PDE7B: variants seen among roughly 807,000 people sequenced by gnomAD.
PDE7B encodes phosphodiesterase 7B, also known as 3',5'-cyclic-AMP phosphodiesterase 7B.
PDE7B carries 29 observed loss-of-function variants against 56.2 expected under a neutral mutation model. The ratio of observed to expected loss-of-function variants is 0.52; its 90% CI spans 0.38 to 0.70. The LOEUF (loss-of-function observed/expected upper bound fraction) is 0.70, where lower values mean the gene tolerates loss of function less well. Among genes scored for constraint, PDE7B ranks in the 30% least tolerant of loss-of-function variants. The pLI, the probability that PDE7B is intolerant of heterozygous loss-of-function variation, is 0.00. For synonymous variants in PDE7B, 197 were observed against 196.9 expected, an observed-to-expected ratio of 1.00 and a Z score of 0.00; for missense variants, 490 against 565.0, an observed-to-expected ratio of 0.87 and a Z score of 1.35.
chr6:135,974,678 T>C (rs998862212), intron 2 of PDE7B, among the ~76,000 whole-genome samples: 31 of 152,234 alleles, frequency 2.0e-4, no homozygotes, highest in African/African-American at 7.2e-4. Context: ...CCCCAGAAGG[T>C]ATATTCTCAT....
intron 3 of PDE7B, among the ~76,000 whole-genome samples, chr6:136,125,939 G>A (rs1313465199): frequency 2.0e-5 from 3 of 151,910 alleles, no homozygotes; most frequent in South Asian, 2.1e-4. Context: ...TTACCCTCTT[G>A]AAAGGAAATC....
intron 2 of PDE7B, among the ~76,000 whole-genome samples, chr6:136,002,830 T>G (rs1294775050): frequency 6.6e-6 from 1 of 152,008 alleles, no homozygotes; most frequent in Non-Finnish European, 1.5e-5. Context: ...GGAATTGAAC[T>G]CAGCTCTGCA....
chr6:136,161,063 T>G (rs1202101413), intron 8 of PDE7B, among the ~76,000 whole-genome samples: 1 of 152,198 alleles, frequency 6.6e-6, no homozygotes, highest in Non-Finnish European at 1.5e-5. Context: ...TCTGCCTATT[T>G]GAATAAAATG....
At chr6:136,124,402 A>G (rs1562498843) in intron 3 of PDE7B, among the ~76,000 whole-genome samples, 2 of 152,220 alleles carry the variant, frequency 1.3e-5, no homozygotes, top group African/African-American at 2.4e-5. Flanking sequence ...ACTGAGAAAT[A>G]TAAGCAAAGC....
rs376182399 is a variant in PDE7B at position 136,149,104 on chromosome 6, G to A, written c.336G>A (p.Val112=). The change falls in exon 5 of 13, where the codon GTG becomes GTA. Residue 112 remains valine (V), a synonymous_variant. Coordinates refer to ENST00000308191, the MANE Select transcript of PDE7B (RefSeq NM_018945.4). ...LGQARHMLSK[V]GMWDFDIFLF... is the part of the protein sequence containing the mutation. ...CTTTTCAGCATATGCTCTCCAAAGT[G>A]GGAATGTGGGATTTTGACATTTTCT... 4.0e-5 allele frequency: 64 copies of A among 1,612,570 alleles called. No individual in the cohort carries two copies. The highest frequency in any genetic ancestry group is 4.9e-5 in the Non-Finnish European group (58 of 1,178,758).
chr6:136,181,239 T>C lies in PDE7B; in HGVS notation c.961T>C (p.Cys321Arg). ...TGTCATTTCTCAGATCGCCTTGAAGTGTGCTGACATTTGCAATCCTTGTAG... is the reference window on the plus strand; with the variant it reads ...TGTCATTTCTCAGATCGCCTTGAAGCGTGCTGACATTTGCAATCCTTGTAG... ...RHFMLQIALK[C>R]ADICNPCRIW... Residue 321 changes from cysteine (C) to arginine (R), a missense_variant, in exon 11 of 13, where the codon TGT becomes CGT. Physicochemically the swap from Cys to Arg is radical, Grantham distance 180. Coordinates refer to ENST00000308191, the MANE Select transcript of PDE7B (RefSeq NM_018945.4). The C allele has an allele frequency of 1.2e-6, 2 of 1,613,218 alleles. No homozygotes were observed. Among genetic ancestry groups the C allele is most frequent in the Non-Finnish European group, 1.7e-6 (2 of 1,179,178 alleles).
At chr6:135,998,431 T>C (rs1388489790) in intron 2 of PDE7B, among the ~76,000 whole-genome samples, 1 of 152,214 alleles carries the variant, frequency 6.6e-6, no homozygotes, top group East Asian at 1.9e-4. Flanking sequence ...CTTGAATTAT[T>C]TTTCAACCTT....
intron 3 of PDE7B, among the ~76,000 whole-genome samples, chr6:136,110,712 AT>A (rs10708902): frequency 0.051 from 6,475 of 126,792 alleles, 280 homozygotes; most frequent in African/African-American, 0.12. Flanking sequence ...ATTCTGCAAC[AT>A]TTTTTTTTTT....
At position 136,106,273 on chromosome 6, in the gene PDE7B, A is replaced by G. The variant is rs115689412; in HGVS notation, c.83-2458A>G. On this transcript the variant is annotated intron_variant, in intron 2 of 12. Transcript: ENST00000308191. The stretch of plus-strand genomic sequence containing the variant: ...AAATTTATTTAAAGTCAGTGAGTCT[A>G]TCATTTTAACATGCTGTATTTTCTC... Among the ~76,000 whole-genome samples, 620 of 152,274 alleles carry G rather than the reference A, an allele frequency of 4.1e-3. 3 individuals are homozygous for G. The highest frequency in any genetic ancestry group is 0.014 in the African/African-American group (592 of 41,570).
intron 8 of PDE7B, among the ~76,000 whole-genome samples, chr6:136,160,423 G>A (rs191282814): frequency 1.8e-3 from 281 of 152,196 alleles, no homozygotes; most frequent in Non-Finnish European, 3.1e-3. Context: ...GAGTCTGTAG[G>A]AGTAGAGCTG....
In PDE7B at chr6:135,952,126, G is replaced by T. The variant is rs916064970; in HGVS notation, c.82+4602G>T. On this transcript the variant is annotated intron_variant, in intron 2 of 12. Transcript: ENST00000308191. ...TAGCCCAGGGGTTTTTCTGGTGAGA[G>T]AATGAGATGTTCTATGAGGAGAAGC... is the stretch of plus-strand genomic sequence containing the variant. Among the ~76,000 whole-genome samples the T allele has an allele frequency of 3.9e-5, 6 of 152,214 alleles. No homozygotes were observed. The East Asian group carries it at 9.7e-4, about 25-fold the overall frequency.
chr6:136,050,252 G>T (rs1367979425), intron 2 of PDE7B, among the ~76,000 whole-genome samples: 1 of 152,146 alleles, frequency 6.6e-6, no homozygotes, highest in African/African-American at 2.4e-5. Flanking sequence ...GCAAGAGTTA[G>T]ATGTTTACAT....
chr6:136,017,194 T>C (rs921876132), intron 2 of PDE7B, among the ~76,000 whole-genome samples: 4 of 152,188 alleles, frequency 2.6e-5, no homozygotes, highest in Admixed American at 1.3e-4. Context: ...AACTAGAAAT[T>C]TCATCCAAAT....
At chr6:135,880,629 C>G (rs1455855152) in intron 1 of PDE7B, among the ~76,000 whole-genome samples, 7 of 152,126 alleles carry the variant, frequency 4.6e-5, no homozygotes, top group Non-Finnish European at 8.8e-5. Flanking sequence ...GTCTTCATTC[C>G]CCTGTCCTGG....
At chr6:135,855,960 T>C (rs1444581387) in intron 1 of PDE7B, among the ~76,000 whole-genome samples, 1 of 152,220 alleles carries the variant, frequency 6.6e-6, no homozygotes, top group Non-Finnish European at 1.5e-5. Flanking sequence ...TTTCTTCATC[T>C]TTAAGGCTGT....
intron 2 of PDE7B, among the ~76,000 whole-genome samples, chr6:136,064,064 T>A (rs565067073): frequency 1.6e-4 from 24 of 152,354 alleles, no homozygotes; most frequent in Non-Finnish European, 2.8e-4. Context: ...CATCTGGCTT[T>A]GGATTTTATT....
intron 8 of PDE7B, among the ~76,000 whole-genome samples, chr6:136,173,265 A>G (rs1778922827): frequency 6.6e-6 from 1 of 152,216 alleles, no homozygotes; most frequent in African/African-American, 2.4e-5. Flanking sequence ...CTACAAGGCT[A>G]CAGTAACCAA....
At chr6:135,928,465 T>TTTATATATATATTTATTTATATATA (rs1774231483) in intron 1 of PDE7B, among the ~76,000 whole-genome samples, 3 of 75,556 alleles carry the variant, frequency 4.0e-5, no homozygotes, top group African/African-American at 1.6e-4. Context: ...ATATATATAT[T>TTTATATATATATTTATTTATATATA]TATTTATATA....
At chr6:135,987,667 AG>A (rs1775406177) in intron 2 of PDE7B, among the ~76,000 whole-genome samples, 1 of 152,162 alleles carries the variant, frequency 6.6e-6, no homozygotes, top group Admixed American at 6.5e-5. Flanking sequence ...GGTTGCAGGA[AG>A]TACTCCCACT....
Sources: gnomAD v4.1 joint callset for allele counts (sites outside exome capture counted in the v4.1 genomes callset) on GRCh38, gnomAD v4.1.1 for gene constraint, MANE v1.5 for transcripts, NCBI Gene and HGNC (gene_info 2026-07-23, HGNC 2026-07-21) for gene names.